The following NPNT variants were observed in gnomAD, a reference collection of about 807,000 sequenced individuals.
The protein encoded by NPNT is nephronectin, also known as preosteoblast EGF-like repeat protein with MAM domain.
A neutral mutation model predicts 68.6 loss-of-function variants in NPNT; 45 were observed. The ratio of observed to expected loss-of-function variants is 0.66; its 90% CI spans 0.52 to 0.84. The LOEUF (loss-of-function observed/expected upper bound fraction) is 0.84, where lower values mean the gene tolerates loss of function less well. Among genes scored for constraint, NPNT ranks in the 40% least tolerant of loss-of-function variants. NPNT has a pLI of 0.00. For synonymous variants in NPNT, 233 were observed against 253.3 expected, an observed-to-expected ratio of 0.92 and a Z score of 0.76; for missense variants, 672 against 714.8, an observed-to-expected ratio of 0.94 and a Z score of 0.68.
At chr4:105,927,644 C>T (rs576266630) in intron 3 of NPNT, 244 of 272,192 alleles carry the variant, frequency 9.0e-4, no homozygotes, top group African/African-American at 4.8e-3. Flanking sequence ...TTCTCTGATA[C>T]TAATTAAAAT....
At chr4:105,966,430 GT>G (rs890933202) in intron 10 of NPNT, among the ~76,000 whole-genome samples, 2 of 152,202 alleles carry the variant, frequency 1.3e-5, no homozygotes, top group Admixed American at 1.3e-4. Context: ...TAAAGTGAAA[GT>G]TTTTATTAAT....
intron 8 of NPNT, among the ~76,000 whole-genome samples, chr4:105,943,602 A>G (rs1188376062): frequency 6.6e-6 from 1 of 152,148 alleles, no homozygotes; most frequent in Non-Finnish European, 1.5e-5. Context: ...AAGGTTGTTA[A>G]TTTATTACCA....
intron 1 of NPNT, among the ~76,000 whole-genome samples, chr4:105,897,216 A>G (rs554476848): frequency 5.4e-4 from 82 of 152,360 alleles, no homozygotes; most frequent in Middle Eastern, 3.4e-3. Context: ...TTCTTTAGGC[A>G]TTATTTACAT....
At position 105,970,446 on chromosome 4, in the gene NPNT, G is replaced by A. The variant is rs1261466300; in HGVS notation, c.*1456G>A. The stretch of plus-strand genomic sequence containing the variant: ...TCTATGATGGAAAATTAAAGGAACT[G>A]GGATTATTGAGCCTGGAGAAGAGAA... On this transcript the variant is annotated 3_prime_UTR_variant, in exon 12 of 12. Transcript: ENST00000379987. 4.3e-6 allele frequency: 3 copies of A among 700,554 alleles called. No homozygotes were observed. The highest frequency in any genetic ancestry group is 7.8e-6 in the Non-Finnish European group (3 of 383,350). 43.4% of individuals were successfully genotyped at this position (700,554 alleles called of 1,614,324 possible).
chr4:105,942,356 G>C lies in NPNT; in HGVS notation c.813G>C (p.Lys271Asn). ...IEPSGPIHVP[K>N]GNGTILKGDT... ...CTTCAGGTCCAATTCATGTACCAAAGGGAAATGGTACCATTTTAAAGGGTG... is the reference window on the plus strand; with the variant it reads ...CTTCAGGTCCAATTCATGTACCAAACGGAAATGGTACCATTTTAAAGGGTG... The change falls in exon 8 of 12, where the codon AAG becomes AAC. Residue 271 changes from lysine (K) to asparagine (N), a missense_variant. Transcript: ENST00000379987. 1 of 1,612,282 alleles carries C rather than the reference G, an allele frequency of 6.2e-7. No individual in the cohort carries two copies. Among genetic ancestry groups the C allele is most frequent in the Non-Finnish European group, 8.5e-7 (1 of 1,178,780 alleles).
intron 8 of NPNT, among the ~76,000 whole-genome samples, chr4:105,954,231 C>A (rs926367317): frequency 6.6e-6 from 1 of 152,232 alleles, no homozygotes; most frequent in African/African-American, 2.4e-5. Context: ...CCCAGTCCAA[C>A]CATGCCTTTA....
intron 2 of NPNT, among the ~76,000 whole-genome samples, chr4:105,905,908 T>C (rs776546974): frequency 4.6e-5 from 7 of 152,218 alleles, no homozygotes; most frequent in Admixed American, 6.5e-5. Context: ...AAACCTTCTG[T>C]TCAGTCATCT....
chr4:105,899,464 C>T (rs772394337), intron 2 of NPNT, among the ~76,000 whole-genome samples: 2 of 152,094 alleles, frequency 1.3e-5, no homozygotes, highest in Non-Finnish European at 2.9e-5. Context: ...TCCCTTAAAA[C>T]AATATTGAAT....
intron 5 of NPNT, among the ~76,000 whole-genome samples, chr4:105,938,847 G>A (rs1430683880): frequency 6.6e-6 from 1 of 152,146 alleles, no homozygotes; most frequent in Non-Finnish European, 1.5e-5. Context: ...CTGGACTTTG[G>A]TTTTAAACCT....
chr4:105,905,204 A>G lies in NPNT; in HGVS notation c.172+7203A>G, dbSNP rs72673894. On this transcript the variant is annotated intron_variant, in intron 2 of 11. Coordinates refer to ENST00000379987, the MANE Select transcript of NPNT (RefSeq NM_001033047.3). ...AATATTAAGACATTTTTGTACCAAA[A>G]TACTTTTTGTAGTGTCCTTAAAACC... Among the ~76,000 whole-genome samples, 1,367 of 152,280 alleles carry G rather than the reference A, an allele frequency of 9.0e-3. 8 individuals are homozygous for G. Among genetic ancestry groups the G allele is most frequent in the Non-Finnish European group, 0.014 (964 of 68,020 alleles).
intron 1 of NPNT, among the ~76,000 whole-genome samples, chr4:105,896,602 T>A (rs993422979): frequency 1.3e-5 from 2 of 152,208 alleles, no homozygotes; most frequent in Non-Finnish European, 2.9e-5. Context: ...CCCGGTCGCC[T>A]TCCTTCAGCG....
intron 3 of NPNT, among the ~76,000 whole-genome samples, chr4:105,933,314 G>A (rs940676873): frequency 4.6e-5 from 7 of 152,152 alleles, no homozygotes; most frequent in African/African-American, 7.2e-5. Flanking sequence ...TAATGTCTTC[G>A]TCATGCTGGA....
At chr4:105,899,529 C>A (rs1270838944) in intron 2 of NPNT, among the ~76,000 whole-genome samples, 2 of 152,166 alleles carry the variant, frequency 1.3e-5, no homozygotes, top group Non-Finnish European at 2.9e-5. Flanking sequence ...TTACTGGAAA[C>A]TGGAGTTACC....
intron 2 of NPNT, among the ~76,000 whole-genome samples, chr4:105,898,784 C>T (rs1726167271): frequency 6.6e-6 from 1 of 152,092 alleles, no homozygotes; most frequent in Admixed American, 6.5e-5. Context: ...GGAAATTTGT[C>T]CCCAGCATTT....
At chr4:105,926,837 T>C (rs1375750302) in intron 2 of NPNT, among the ~76,000 whole-genome samples, 1 of 152,118 alleles carries the variant, frequency 6.6e-6, no homozygotes, top group East Asian at 1.9e-4. Context: ...AACAATGTTG[T>C]TTTGGTTTTT....
intron 2 of NPNT, among the ~76,000 whole-genome samples, chr4:105,902,476 T>G (rs1003740826): frequency 6.6e-6 from 1 of 152,206 alleles, no homozygotes; most frequent in Non-Finnish European, 1.5e-5. Flanking sequence ...GCCAGCTTGG[T>G]GGAGCGGAGT....
chr4:105,947,675 T>C (rs1462165797), intron 8 of NPNT, among the ~76,000 whole-genome samples: 1 of 152,166 alleles, frequency 6.6e-6, no homozygotes, highest in Non-Finnish European at 1.5e-5. Context: ...CACTCTTCGC[T>C]GGGCCCAATA....
intron 2 of NPNT, among the ~76,000 whole-genome samples, chr4:105,909,240 G>C (rs1246276596): frequency 6.6e-6 from 1 of 152,068 alleles, no homozygotes; most frequent in Non-Finnish European, 1.5e-5. Context: ...ATTATTTCAA[G>C]TTCACATGAT....
intron 2 of NPNT, 38 bp downstream of exon 2, chr4:105,898,039 G>A: frequency 3.6e-6 from 5 of 1,404,410 alleles, no homozygotes; most frequent in Admixed American, 4.2e-5. Flanking sequence ...TCCCTGGGAG[G>A]TGTGGCTTTC....
Sources: gnomAD v4.1 joint callset for allele counts (sites outside exome capture counted in the v4.1 genomes callset) on GRCh38, gnomAD v4.1.1 for gene constraint, MANE v1.5 for transcripts, NCBI Gene and HGNC (gene_info 2026-07-23, HGNC 2026-07-21) for gene names.